ACACB: variants seen among roughly 807,000 people sequenced by gnomAD.
The protein encoded by ACACB is acetyl-CoA carboxylase beta.
ACACB carries 209 observed loss-of-function variants against 278.8 expected under a neutral mutation model. That is an observed-to-expected ratio of 0.75 (90% confidence interval 0.67 to 0.84). The LOEUF is 0.84. Ranked by LOEUF, ACACB falls within the 40% of genes least tolerant of loss-of-function variation. The pLI is 0.00. For missense variants in ACACB, 2,850 were observed against 3,269.0 expected, an observed-to-expected ratio of 0.87 and a Z score of 3.13; for synonymous variants, 1,174 against 1,285.6, an observed-to-expected ratio of 0.91 and a Z score of 1.86.
In ACACB at chr12:109,191,613, G is replaced by A. The variant is rs1405553806; in HGVS notation, c.2145G>A (p.Ser715=). The A allele has an allele frequency of 5.0e-6, 8 of 1,614,066 alleles. No homozygotes were observed. The highest frequency in any genetic ancestry group is 6.8e-6 in the Non-Finnish European group (8 of 1,180,000). The part of the protein sequence containing the change: ...SWGENREEAI[S]NMVVALKELS... ...TGATCCATGTGCCTTTCCCTTCAAG[G>A]AACATGGTGGTGGCTTTGAAGGAAC... The change falls in exon 14 of 53, where the codon TCG becomes TCA. Residue 715 remains serine (S), a splice_region_variant and synonymous_variant. Coordinates refer to ENST00000338432, the MANE Select transcript of ACACB (RefSeq NM_001093.4).
intron 50 of ACACB, 91 bp from the exon 51 acceptor site, chr12:109,265,019 G>A (rs1593746685): frequency 1.4e-6 from 2 of 1,426,196 alleles, no homozygotes; most frequent in East Asian, 2.3e-5. Flanking sequence ...CCTGGGCCCA[G>A]CCCCGGGCAG....
At chr12:109,197,613 A>G (rs1208059065) in intron 17 of ACACB, among the ~76,000 whole-genome samples, 1 of 152,182 alleles carries the variant, frequency 6.6e-6, no homozygotes, top group Admixed American at 6.5e-5. Context: ...ACAAACAGAT[A>G]GTGGCAGGAA....
intron 45 of ACACB, 72 bp downstream of exon 45, chr12:109,256,308 A>C: frequency 8.7e-7 from 1 of 1,144,872 alleles, no homozygotes; most frequent in African/African-American, 1.5e-5. Flanking sequence ...GTGTGAGGCC[A>C]GGGACCTCCA....
intron 6 of ACACB, among the ~76,000 whole-genome samples, chr12:109,173,085 A>G (rs1259771403): frequency 6.6e-6 from 1 of 152,136 alleles, no homozygotes; most frequent in African/African-American, 2.4e-5. Context: ...CCAAATATTA[A>G]ATGTTCTCAC....
upstream of ACACB, among the ~76,000 whole-genome samples, chr12:109,111,907 C>T (rs984203093): frequency 1.3e-5 from 2 of 152,020 alleles, no homozygotes; most frequent in Non-Finnish European, 2.9e-5. Flanking sequence ...ATTTTGTGGT[C>T]AGCAAGCTGG....
chr12:109,185,915 T>C (rs569233757), intron 12 of ACACB, among the ~76,000 whole-genome samples, 175 bp downstream of exon 12: 1 of 152,108 alleles, frequency 6.6e-6, no homozygotes, highest in East Asian at 1.9e-4. Context: ...ATTGGATTTA[T>C]TGGATTTTTA....
In ACACB at chr12:109,209,296, G is replaced by A; in HGVS notation, c.3192G>A (p.Val1064=). The A allele has an allele frequency of 6.2e-7, 1 of 1,612,728 alleles. No individual in the cohort carries two copies. Among genetic ancestry groups the A allele is most frequent in the East Asian group, 2.2e-5 (1 of 44,882 alleles). ...CTGTGGAGAAGTCTGTCCGCAGGGT[G>A]ATGGCCCAGTATGCCAGCAACATCA... ...PAPVEKSVRR[V]MAQYASNITS... The change falls in exon 21 of 53, where the codon GTG becomes GTA. Residue 1064 remains valine, a synonymous_variant. Transcript: ENST00000338432.
At chr12:109,184,062 T>C (rs1283087249) in intron 11 of ACACB, among the ~76,000 whole-genome samples, 1 of 151,972 alleles carries the variant, frequency 6.6e-6, no homozygotes, top group African/African-American at 2.4e-5. Context: ...ATCTTTTTTT[T>C]TTTTCTTTGA....
At chr12:109,212,770 C>T (rs2045886953) in intron 21 of ACACB, 66 bp from the exon 22 acceptor site, 3 of 1,411,254 alleles carry the variant, frequency 2.1e-6, no homozygotes, top group Non-Finnish European at 3.0e-6. Context: ...GGGACCCTTT[C>T]TTTAGGGGAC....
chr12:109,252,900 T>G lies in ACACB; in HGVS notation c.5902-115T>G, dbSNP rs1021995702. On this transcript the variant is annotated intron_variant, in intron 42 of 52. Coordinates refer to ENST00000338432, the MANE Select transcript of ACACB (RefSeq NM_001093.4). ...AGCCTGAGCATCAGGATTTGTGAAATCTCCTGGGTGATTCTAATGTGTAGC... is the reference window on the plus strand; with the variant it reads ...AGCCTGAGCATCAGGATTTGTGAAAGCTCCTGGGTGATTCTAATGTGTAGC... The G allele has an allele frequency of 1.8e-5, 19 of 1,043,096 alleles. No individual in the cohort carries two copies. In the Admixed American group the frequency reaches 3.1e-4, roughly 17 times the overall value. The allele number at this position is 1,043,096 out of a possible 1,614,324, so 64.6% of individuals were successfully genotyped here. A position where few individuals can be genotyped will look rare whatever the true frequency, so the allele number is the denominator to read the frequency against.
intron 1 of ACACB, among the ~76,000 whole-genome samples, chr12:109,120,304 A>C (rs1158328134): frequency 6.6e-6 from 1 of 152,190 alleles, no homozygotes; most frequent in Non-Finnish European, 1.5e-5. Flanking sequence ...TTACTATGCT[A>C]AATGCAGTGG....
Position 109,254,100 on chromosome 12 carries a change from A to T in ACACB, c.6046-114A>T. On this transcript the variant is annotated intron_variant, in intron 43 of 52. Transcript: ENST00000338432. ...AGCAGTGGCTTCAGGAGCCCTAGGG[A>T]GGGGATATTGCTGCATAACCAGGCA... 4 of 1,278,922 alleles carry T rather than the reference A, an allele frequency of 3.1e-6. No homozygotes were observed. The South Asian group carries it at 5.0e-5, about 16-fold the overall frequency. 79.2% of individuals were successfully genotyped at this position (1,278,922 alleles called of 1,614,324 possible).
At chr12:109,167,769 C>A (rs2043967727) in intron 3 of ACACB, 127 bp from the exon 4 acceptor site, 1 of 1,403,870 alleles carries the variant, frequency 7.1e-7, no homozygotes, top group Non-Finnish European at 9.7e-7. Flanking sequence ...CATAGAAATA[C>A]CAAGAGGAAT....
chr12:109,142,129 G>C (rs1233688915), intron 2 of ACACB, among the ~76,000 whole-genome samples: 1 of 151,998 alleles, frequency 6.6e-6, no homozygotes, highest in Non-Finnish European at 1.5e-5. Context: ...CATACCTATA[G>C]TTCTAGCTAC....
chr12:109,245,663 C>G lies in ACACB; in HGVS notation c.5216C>G (p.Pro1739Arg), dbSNP rs545762685. ...FKLWGSPDKY[P>R]KDILTYTELV... is the part of the protein sequence containing the mutation. ...CTGTGGGGCTCCCCAGACAAGTATC[C>G]CAAAGACATCCTGACATACACTGAA... Residue 1739 changes from proline (P) to arginine (R), a missense_variant, in exon 38 of 53, where the codon CCC becomes CGC. Pro to Arg is a moderately radical substitution (Grantham distance 103). Coordinates refer to ENST00000338432, the MANE Select transcript of ACACB (RefSeq NM_001093.4). The G allele has an allele frequency of 5.7e-4, 915 of 1,614,086 alleles. 17 individuals are homozygous for G. The South Asian group carries it at 9.5e-3, about 17-fold the overall frequency.
At chr12:109,162,740 G>C (rs1280224564) in intron 2 of ACACB, among the ~76,000 whole-genome samples, 6 of 152,074 alleles carry the variant, frequency 3.9e-5, no homozygotes, top group African/African-American at 1.4e-4. Context: ...CTTCTCCCTG[G>C]GGAATCTGGC....
intron 7 of ACACB, among the ~76,000 whole-genome samples, chr12:109,174,781 G>A (rs938685320): frequency 1.3e-5 from 2 of 152,072 alleles, no homozygotes; most frequent in East Asian, 1.9e-4. Flanking sequence ...GAGGCAGGAG[G>A]GTGGCTTGAG....
At chr12:109,133,839 A>ATATATATATATATATATG (rs1360759551) in intron 1 of ACACB, among the ~76,000 whole-genome samples, 1 of 33,310 alleles carries the variant, frequency 3.0e-5, no homozygotes, top group Non-Finnish European at 5.8e-5. Flanking sequence ...GTGTGTGCAT[A>ATATATATATATATATATG]TATATATATA....
intron 44 of ACACB, among the ~76,000 whole-genome samples, chr12:109,255,704 C>CT (rs2047208275): frequency 6.6e-6 from 1 of 152,188 alleles, no homozygotes; most frequent in Non-Finnish European, 1.5e-5. Flanking sequence ...GAAATTGAAA[C>CT]TTTTTTCCCA....
Sources: allele counts gnomAD v4.1 joint callset (sites outside exome capture counted in the v4.1 genomes callset), GRCh38; gene constraint gnomAD v4.1.1; transcripts MANE v1.5; gene names NCBI Gene and HGNC (gene_info 2026-07-23, HGNC 2026-07-21).